DLGAP2: variants seen among roughly 807,000 people sequenced by gnomAD.
DLGAP2 encodes the protein DLG associated protein 2, also known as disks large-associated protein 2.
A neutral mutation model predicts 100.3 loss-of-function variants in DLGAP2; 26 were observed. The ratio of observed to expected loss-of-function variants is 0.26; its 90% CI spans 0.19 to 0.36. The LOEUF (loss-of-function observed/expected upper bound fraction) is 0.36, where lower values mean the gene tolerates loss of function less well. Ranked by LOEUF, DLGAP2 falls within the 10% of genes least tolerant of loss-of-function variation. The pLI, the probability that DLGAP2 is intolerant of heterozygous loss-of-function variation, is 1.00. For missense variants in DLGAP2, 1,858 were observed against 1,453.2 expected (o/e 1.28, Z -4.53); for synonymous variants, 886 against 630.1 (o/e 1.41, Z -6.08).
chr8:861,445 C>G (rs111924377), intron 1 of DLGAP2, among the ~76,000 whole-genome samples: 2 of 152,196 alleles, frequency 1.3e-5, no homozygotes, highest in Admixed American at 6.5e-5. Flanking sequence ...AGCACGGAAT[C>G]TGCTCTGGCC....
chr8:1,135,464 A>C (rs565654406), intron 2 of DLGAP2, among the ~76,000 whole-genome samples: 29 of 139,338 alleles, frequency 2.1e-4, no homozygotes, highest in Non-Finnish European at 3.5e-4. Flanking sequence ...AGTTACTTAG[A>C]GATTTCTCAC....
intron 3 of DLGAP2, among the ~76,000 whole-genome samples, chr8:1,470,741 CCG>C (rs1798757730): frequency 7.7e-3 from 1 of 130 alleles, no homozygotes; most frequent in African/African-American, 0.038. Flanking sequence ...CTCCCCTTCC[CCG>C]ACTCCTTCCC....
intron 3 of DLGAP2, among the ~76,000 whole-genome samples, chr8:1,436,519 A>C (rs1797634550): frequency 6.6e-6 from 1 of 152,316 alleles, no homozygotes; most frequent in Non-Finnish European, 1.5e-5. Flanking sequence ...AAACACCCTC[A>C]CAGACAACCC....
At chr8:1,635,543 C>T (rs2130784948) in intron 8 of DLGAP2, among the ~76,000 whole-genome samples, 1 of 152,216 alleles carries the variant, frequency 6.6e-6, no homozygotes, top group South Asian at 2.1e-4. Context: ...GTTATTTTGA[C>T]AGATTGATTT....
chr8:1,446,283 G>A (rs1330842278), intron 3 of DLGAP2, among the ~76,000 whole-genome samples: 4 of 152,208 alleles, frequency 2.6e-5, no homozygotes, highest in African/African-American at 9.6e-5. Flanking sequence ...GTGTAAGGAA[G>A]GGATCCAGTT....
At chr8:1,252,117 G>C (rs886818247) in intron 2 of DLGAP2, among the ~76,000 whole-genome samples, 1 of 150,986 alleles carries the variant, frequency 6.6e-6, no homozygotes, top group Non-Finnish European at 1.5e-5. Context: ...TCAAAGTCAT[G>C]TCATGTCACA....
intron 1 of DLGAP2, among the ~76,000 whole-genome samples, chr8:752,927 A>C (rs144836295): frequency 6.6e-6 from 1 of 152,228 alleles, no homozygotes; most frequent in East Asian, 1.9e-4. Context: ...TAAGTGGATC[A>C]CCCTCACTCG....
intron 3 of DLGAP2, among the ~76,000 whole-genome samples, chr8:1,425,126 T>C (rs181011327): frequency 7.9e-5 from 12 of 152,376 alleles, no homozygotes; most frequent in Middle Eastern, 6.8e-3. Context: ...TTTAAAATTA[T>C]ATTTCAGCAC....
intron 8 of DLGAP2, among the ~76,000 whole-genome samples, chr8:1,659,248 G>A (rs1359536057): frequency 6.6e-6 from 1 of 152,172 alleles, no homozygotes; most frequent in East Asian, 1.9e-4. Context: ...GCTGAGGTGT[G>A]TTTTACTTTT....
At chr8:1,168,786 T>A (rs1313373134) in intron 2 of DLGAP2, among the ~76,000 whole-genome samples, 2 of 132,016 alleles carry the variant, frequency 1.5e-5, no homozygotes, top group Non-Finnish European at 3.2e-5. Flanking sequence ...TATTAGCCCT[T>A]TGTCAGATGA....
At position 1,281,292 on chromosome 8, in the gene DLGAP2, G is replaced by T. The variant is rs532979615; in HGVS notation, c.106+22409G>T. 2.4e-3 allele frequency among the ~76,000 whole-genome samples: 362 copies of T among 152,318 alleles called. 2 individuals carry two copies. Among genetic ancestry groups the T allele is most frequent in the African/African-American group, 8.4e-3 (348 of 41,574 alleles). ...CCACGTGCCACATTGTGTTCTGTGA[G>T]AAACGGGGGATGGTGGAGGTGCCTC... On this transcript the variant is annotated intron_variant, in intron 3 of 14. Coordinates refer to ENST00000637795, the MANE Select transcript of DLGAP2 (RefSeq NM_001346810.2).
intron 3 of DLGAP2, among the ~76,000 whole-genome samples, chr8:1,420,936 A>T (rs531428850): frequency 1.0e-3 from 154 of 152,020 alleles, no homozygotes; most frequent in South Asian, 8.5e-3. Flanking sequence ...TAATCATTCG[A>T]TTGGCTGTTT....
At chr8:1,390,518 C>G (rs1796324746) in intron 3 of DLGAP2, among the ~76,000 whole-genome samples, 1 of 152,186 alleles carries the variant, frequency 6.6e-6, no homozygotes, top group African/African-American at 2.4e-5. Context: ...TACTGCACTG[C>G]AATTAGAAAA....
At chr8:1,324,689 A>C (rs1280023003) in intron 3 of DLGAP2, among the ~76,000 whole-genome samples, 1 of 152,216 alleles carries the variant, frequency 6.6e-6, no homozygotes, top group Non-Finnish European at 1.5e-5. Flanking sequence ...TGTCCTTTTC[A>C]GCCATTTCAC....
At chr8:845,519 A>T (rs548884342) in intron 1 of DLGAP2, among the ~76,000 whole-genome samples, 1 of 152,130 alleles carries the variant, frequency 6.6e-6, no homozygotes, top group African/African-American at 2.4e-5. Context: ...TTATTTGTCT[A>T]TTATTGGATA....
intron 2 of DLGAP2, among the ~76,000 whole-genome samples, chr8:1,012,830 C>A (rs1260537621): frequency 6.6e-6 from 1 of 151,482 alleles, no homozygotes; most frequent in African/African-American, 2.4e-5. Context: ...TTCCAGTGTT[C>A]CCCCGCCTCC....
At chr8:1,522,151 C>G (rs1285592421) in intron 4 of DLGAP2, among the ~76,000 whole-genome samples, 1 of 152,178 alleles carries the variant, frequency 6.6e-6, no homozygotes, top group African/African-American at 2.4e-5. Flanking sequence ...TGTGGAGCAT[C>G]TTTGGTTTCC....
chr8:1,653,869 C>T (rs1417259274), intron 8 of DLGAP2, among the ~76,000 whole-genome samples: 3 of 152,156 alleles, frequency 2.0e-5, no homozygotes, highest in Admixed American at 6.5e-5. Flanking sequence ...TCATTTGACT[C>T]TGAGGTGTAA....
In DLGAP2 at chr8:1,548,725, C is replaced by A. The variant is rs569803609; in HGVS notation, c.272C>A (p.Pro91Gln). 3.7e-6 allele frequency: 6 copies of A among 1,607,128 alleles called. No individual in the cohort carries two copies. Among genetic ancestry groups the A allele is most frequent in the East Asian group, 2.2e-5 (1 of 44,702 alleles). The change falls in exon 5 of 15, where the codon CCG becomes CAG. Residue 91 changes from proline (P) to glutamine (Q), a missense_variant. Coordinates refer to ENST00000637795, the MANE Select transcript of DLGAP2 (RefSeq NM_001346810.2). Reference protein sequence around the residue: ...MKGLSGSRTQPPLCSGHTCGL... With the variant: ...MKGLSGSRTQQPLCSGHTCGL... ...GGCCTTTCCGGAAGTCGGACCCAGC[C>A]GCCGCTGTGTTCCGGGCACACGTGT...
Sources: allele counts gnomAD v4.1 joint callset (sites outside exome capture counted in the v4.1 genomes callset), GRCh38; gene constraint gnomAD v4.1.1; transcripts MANE v1.5; gene names NCBI Gene and HGNC (gene_info 2026-07-23, HGNC 2026-07-21).